CNTN5: variants seen among roughly 807,000 people sequenced by gnomAD.
CNTN5 encodes contactin 5.
A neutral mutation model predicts 129.1 loss-of-function variants in CNTN5; 77 were observed. The observed-to-expected ratio is 0.60, with a 90% confidence interval of 0.50 to 0.72. CNTN5 has a LOEUF of 0.72. Among genes scored for constraint, CNTN5 ranks in the 30% least tolerant of loss-of-function variants. CNTN5 has a pLI of 0.00. For synonymous variants in CNTN5, 509 were observed against 465.6 expected (o/e 1.09, Z -1.20); for missense variants, 1,478 against 1,328.8 (o/e 1.11, Z -1.75).
At chr11:100,208,043 G>T (rs1948951153) in intron 15 of CNTN5, among the ~76,000 whole-genome samples, 1 of 151,928 alleles carries the variant, frequency 6.6e-6, no homozygotes, top group Non-Finnish European at 1.5e-5. Flanking sequence ...TTATATTTTA[G>T]GCATTGAGAT....
intron 3 of CNTN5, among the ~76,000 whole-genome samples, chr11:99,770,059 G>C (rs932146012): frequency 6.6e-6 from 1 of 151,904 alleles, no homozygotes; most frequent in Non-Finnish European, 1.5e-5. Flanking sequence ...AGGATTTTTT[G>C]TTTTCTCTTT....
intron 4 of CNTN5, among the ~76,000 whole-genome samples, chr11:99,830,518 T>C (rs1947106197): frequency 6.6e-6 from 1 of 152,126 alleles, no homozygotes; most frequent in South Asian, 2.1e-4. Context: ...AAAATACTCT[T>C]TGCTGATAAA....
intron 6 of CNTN5, among the ~76,000 whole-genome samples, chr11:99,882,833 C>T (rs118026172): frequency 0.026 from 3,926 of 151,972 alleles, 87 homozygotes; most frequent in Non-Finnish European, 0.04. Context: ...TTTTTTGTGC[C>T]CATTAACCAT....
chr11:99,311,762 G>A (rs1264220272), intron 1 of CNTN5, among the ~76,000 whole-genome samples: 2 of 152,120 alleles, frequency 1.3e-5, no homozygotes, highest in African/African-American at 4.8e-5. Context: ...CTAGTTTGTT[G>A]TAGTATTAAA....
At chr11:99,879,297 T>C (rs1272640597) in intron 6 of CNTN5, among the ~76,000 whole-genome samples, 1 of 151,876 alleles carries the variant, frequency 6.6e-6, no homozygotes, top group East Asian at 1.9e-4. Flanking sequence ...AATCAAAGAG[T>C]AAGGGAAGCC....
At chr11:100,164,640 ATTTCAATAAC>A (rs1271665163) in intron 13 of CNTN5, among the ~76,000 whole-genome samples, 9 of 151,850 alleles carry the variant, frequency 5.9e-5, no homozygotes, top group Admixed American at 5.9e-4. Context: ...CTATAGTTGT[ATTTCAATAAC>A]AGAAAAGACA....
intron 2 of CNTN5, among the ~76,000 whole-genome samples, chr11:99,463,795 A>G (rs1565204102): frequency 2.0e-5 from 3 of 152,234 alleles, no homozygotes; most frequent in Non-Finnish European, 4.4e-5. Context: ...TCTGTAAATA[A>G]GTATGTATGT....
Position 100,037,240 on chromosome 11 carries a change from C to A in CNTN5, c.981-23972C>A, listed in dbSNP as rs542935783. Among the ~76,000 whole-genome samples the A allele has an allele frequency of 8.2e-3, 1,207 of 146,580 alleles. 16 individuals carry two copies. The highest frequency in any genetic ancestry group is 0.026 in the African/African-American group (1,023 of 38,802). On this transcript the variant is annotated intron_variant, in intron 9 of 24. Transcript: ENST00000524871. ...ATTGAGATAATCATGTGGTTTTTGT[C>A]TTTGGTTCTGTTTATATGCTGGATT...
chr11:100,018,748 A>G (rs190535407), intron 9 of CNTN5, among the ~76,000 whole-genome samples: 2 of 152,084 alleles, frequency 1.3e-5, no homozygotes, highest in Admixed American at 1.3e-4. Flanking sequence ...ATATTGCTAA[A>G]CAATTTTTCA....
chr11:99,811,403 C>T (rs1946423453), intron 3 of CNTN5, among the ~76,000 whole-genome samples: 1 of 149,694 alleles, frequency 6.7e-6, no homozygotes, highest in Admixed American at 6.7e-5. Context: ...ATAAATATTG[C>T]CATAAAGAAT....
At chr11:99,975,103 T>G (rs1937857305) in intron 8 of CNTN5, among the ~76,000 whole-genome samples, 1 of 152,234 alleles carries the variant, frequency 6.6e-6, no homozygotes, top group African/African-American at 2.4e-5. Context: ...TGCCTTTGTT[T>G]AAATAAAAGA....
At position 99,908,059 on chromosome 11, in the gene CNTN5, A is replaced by T. The variant is rs565722704; in HGVS notation, c.578-7995A>T. On this transcript the variant is annotated intron_variant, in intron 6 of 24. Coordinates refer to ENST00000524871, the MANE Select transcript of CNTN5 (RefSeq NM_014361.4). ...ATCATGAAGTTTTTAGCATCTAGAG[A>T]TGTAGTCCCAGTGTGAAAAACTATC... 2.6e-5 allele frequency among the ~76,000 whole-genome samples: 4 copies of T among 151,982 alleles called. No homozygotes were observed. In the East Asian group the frequency reaches 5.8e-4, roughly 22 times the overall value.
At chr11:100,270,041 A>G (rs1321101584) in intron 17 of CNTN5, among the ~76,000 whole-genome samples, 1 of 152,166 alleles carries the variant, frequency 6.6e-6, no homozygotes, top group Non-Finnish European at 1.5e-5. Context: ...CAGTGCAGCA[A>G]GAGGGAACAG....
chr11:99,793,098 C>T (rs111700563), intron 3 of CNTN5, among the ~76,000 whole-genome samples: 8 of 151,218 alleles, frequency 5.3e-5, no homozygotes, highest in African/African-American at 1.9e-4. Context: ...CTCACTCTGT[C>T]GCCCAGGCTG....
intron 3 of CNTN5, among the ~76,000 whole-genome samples, chr11:99,686,107 A>G (rs930058867): frequency 3.3e-5 from 5 of 151,662 alleles, no homozygotes; most frequent in Middle Eastern, 6.8e-3. Context: ...ATATATATAT[A>G]TGTGCCATTG....
chr11:99,790,981 C>A (rs1591185599), intron 3 of CNTN5, among the ~76,000 whole-genome samples: 1 of 152,108 alleles, frequency 6.6e-6, no homozygotes. Flanking sequence ...TGTTTATGAC[C>A]TTTGCCCACC....
At chr11:99,455,769 G>A (rs576166192) in intron 2 of CNTN5, among the ~76,000 whole-genome samples, 42 of 151,976 alleles carry the variant, frequency 2.8e-4, no homozygotes, top group African/African-American at 1.0e-3. Flanking sequence ...ATAGTAAGAA[G>A]AAAAGGGAAA....
intron 2 of CNTN5, among the ~76,000 whole-genome samples, chr11:99,435,492 T>G (rs1049306890): frequency 6.6e-6 from 1 of 152,160 alleles, no homozygotes; most frequent in African/African-American, 2.4e-5. Context: ...ACTCCCTCTC[T>G]GCTGTAGACA....
At chr11:100,328,224 C>T (rs543757678) in intron 21 of CNTN5, among the ~76,000 whole-genome samples, 21 of 152,004 alleles carry the variant, frequency 1.4e-4, no homozygotes, top group African/African-American at 5.1e-4. Context: ...GGTGTGTTGG[C>T]GCACACCTGT....
Sources: gnomAD v4.1 joint callset for allele counts (sites outside exome capture counted in the v4.1 genomes callset) on GRCh38, gnomAD v4.1.1 for gene constraint, MANE v1.5 for transcripts, NCBI Gene and HGNC (gene_info 2026-07-23, HGNC 2026-07-21) for gene names.